The following THSD4 variants were observed in gnomAD, a reference collection of about 807,000 sequenced individuals.
The protein encoded by THSD4 is thrombospondin type-1 domain-containing protein 4.
THSD4 carries 69 observed loss-of-function variants against 119.0 expected under a neutral mutation model. The observed-to-expected ratio is 0.58, with a 90% CI of 0.48 to 0.71. The LOEUF is 0.71. THSD4 is among the 30% of genes least tolerant of loss of function. THSD4 has a pLI of 0.00. For missense variants in THSD4, 1,393 were observed against 1,391.1 expected (o/e 1.00, Z -0.02); for synonymous variants, 524 against 540.4 (o/e 0.97, Z 0.42).
chr15:71,457,161 G>A (rs116128904), intron 7 of THSD4, among the ~76,000 whole-genome samples: 2 of 152,022 alleles, frequency 1.3e-5, no homozygotes, highest in Admixed American at 6.6e-5. Context: ...CAGGCAGATC[G>A]CTCTGAGCTC....
intron 5 of THSD4, among the ~76,000 whole-genome samples, chr15:71,247,286 A>C (rs1005115009): frequency 1.3e-5 from 2 of 152,100 alleles, no homozygotes; most frequent in African/African-American, 4.8e-5. Context: ...GCAGTGGCGC[A>C]GTCTTTTAAA....
At chr15:71,324,843 A>T (rs2045319308) in intron 6 of THSD4, among the ~76,000 whole-genome samples, 1 of 152,140 alleles carries the variant, frequency 6.6e-6, no homozygotes, top group African/African-American at 2.4e-5. Flanking sequence ...GGATTGCTGG[A>T]TGGAATGGTA....
chr15:71,450,948 C>A (rs908602044), intron 7 of THSD4, among the ~76,000 whole-genome samples: 5 of 152,100 alleles, frequency 3.3e-5, no homozygotes, highest in African/African-American at 1.2e-4. Flanking sequence ...GAGGCCAGAG[C>A]GGATGGATTG....
chr15:71,664,979 G>C (rs1184782540), intron 8 of THSD4, among the ~76,000 whole-genome samples: 1 of 152,140 alleles, frequency 6.6e-6, no homozygotes, highest in African/African-American at 2.4e-5. Flanking sequence ...CTTTATGGTA[G>C]GATGATTTAC....
chr15:71,768,875 G>A (rs1029834615), intron 16 of THSD4, among the ~76,000 whole-genome samples: 4 of 132,138 alleles, frequency 3.0e-5, no homozygotes, highest in African/African-American at 1.1e-4. Flanking sequence ...ACTGCGCCCA[G>A]CAATCCTGAT....
chr15:71,690,081 T>G (rs1045032475), intron 8 of THSD4, among the ~76,000 whole-genome samples: 1 of 152,204 alleles, frequency 6.6e-6, no homozygotes, highest in Non-Finnish European at 1.5e-5. Flanking sequence ...TCAGATTCAA[T>G]TAAGCATCAA....
chr15:71,512,298 C>T (rs80294556), intron 7 of THSD4, among the ~76,000 whole-genome samples: 17,113 of 152,182 alleles, frequency 0.11, 1,191 homozygotes, highest in African/African-American at 0.19. Context: ...TAGCAAATTA[C>T]CCTTAATTTT....
chr15:71,496,616 T>G (rs1420357337), intron 7 of THSD4, among the ~76,000 whole-genome samples: 1 of 152,168 alleles, frequency 6.6e-6, no homozygotes, highest in Admixed American at 6.5e-5. Flanking sequence ...TTAAGGACCT[T>G]TCCCAGAAAC....
At chr15:71,196,564 C>G (rs1021304794) in intron 3 of THSD4, among the ~76,000 whole-genome samples, 4 of 152,108 alleles carry the variant, frequency 2.6e-5, no homozygotes, top group African/African-American at 9.7e-5. Context: ...GGGACAGTGG[C>G]AGTATTGCCA....
intron 7 of THSD4, among the ~76,000 whole-genome samples, chr15:71,561,908 ACACACACACAC>A (rs2049126397): frequency 5.4e-5 from 2 of 36,924 alleles, no homozygotes; most frequent in African/African-American, 2.8e-4. Flanking sequence ...ACACACACAC[ACACACACACAC>A]AAACACTCAC....
chr15:71,439,415 G>A (rs773334472), intron 7 of THSD4, among the ~76,000 whole-genome samples: 6 of 152,300 alleles, frequency 3.9e-5, no homozygotes, highest in Non-Finnish European at 7.4e-5. Context: ...TACACTGTTG[G>A]TGGGAGTGTA....
chr15:71,305,456 G>A (rs950587489), intron 6 of THSD4, among the ~76,000 whole-genome samples: 3 of 152,196 alleles, frequency 2.0e-5, no homozygotes, highest in African/African-American at 7.2e-5. Context: ...GGAGGATGGA[G>A]TTCATAGTGA....
intron 6 of THSD4, among the ~76,000 whole-genome samples, chr15:71,301,634 C>T (rs1032677033): frequency 2.0e-5 from 3 of 152,198 alleles, no homozygotes; most frequent in Non-Finnish European, 4.4e-5. Context: ...GTCCTTTCTC[C>T]AGATGAACGT....
intron 7 of THSD4, among the ~76,000 whole-genome samples, chr15:71,413,962 T>C (rs908463758): frequency 6.6e-6 from 1 of 152,260 alleles, no homozygotes; most frequent in African/African-American, 2.4e-5. Flanking sequence ...TAGCTTTATC[T>C]TTCAGATTCC....
At chr15:71,131,897 G>C (rs1228051832) in intron 1 of THSD4, among the ~76,000 whole-genome samples, 1 of 152,188 alleles carries the variant, frequency 6.6e-6, no homozygotes, top group Non-Finnish European at 1.5e-5. Flanking sequence ...GACGATGGTG[G>C]AATCACTCGA....
intron 1 of THSD4, among the ~76,000 whole-genome samples, chr15:71,099,258 G>A (rs1267578210): frequency 1.3e-5 from 2 of 152,178 alleles, no homozygotes; most frequent in East Asian, 3.8e-4. Flanking sequence ...TCTGCCACTG[G>A]GTGGACCTGT....
At chr15:71,199,916 G>GT (rs2043785178) in intron 3 of THSD4, among the ~76,000 whole-genome samples, 2 of 116,048 alleles carry the variant, frequency 1.7e-5, no homozygotes, top group Non-Finnish European at 4.0e-5. Context: ...GCATGTGTGG[G>GT]GTGTGTGTGT....
chr15:71,462,251 T>A (rs2047439699), intron 7 of THSD4, among the ~76,000 whole-genome samples: 1 of 152,174 alleles, frequency 6.6e-6, no homozygotes, highest in African/African-American at 2.4e-5. Context: ...AGCCTTGAAC[T>A]CCCAGGCTCA....
chr15:71,740,943 C>T (rs1268629324), intron 11 of THSD4, among the ~76,000 whole-genome samples: 1 of 152,202 alleles, frequency 6.6e-6, no homozygotes, highest in Non-Finnish European at 1.5e-5. Context: ...CCCTGCTTGG[C>T]TTGGCTGTCT....
Sources: gnomAD v4.1 joint callset for allele counts (sites outside exome capture counted in the v4.1 genomes callset) on GRCh38, gnomAD v4.1.1 for gene constraint, MANE v1.5 for transcripts, NCBI Gene and HGNC (gene_info 2026-07-23, HGNC 2026-07-21) for gene names.